Variants in HEPACAM2 observed in about 807,000 individuals in gnomAD.
The protein encoded by HEPACAM2 is HEPACAM family member 2.
HEPACAM2 carries 49 observed loss-of-function variants against 49.6 expected under a neutral mutation model. That is an observed-to-expected ratio of 0.99 (90% CI 0.78 to 1.25). HEPACAM2 has a LOEUF of 1.25. Among genes scored for constraint, HEPACAM2 ranks in the 50% most tolerant of loss-of-function variants. The probability of loss-of-function intolerance (pLI) is 0.00; values close to 1 mark genes in which losing one functional copy is unlikely to be tolerated. For synonymous variants in HEPACAM2, 197 were observed against 202.9 expected (o/e 0.97, Z 0.25); for missense variants, 525 against 557.2 (o/e 0.94, Z 0.58).
chr7:93,210,345 A>G (rs1794147707), intron 3 of HEPACAM2, among the ~76,000 whole-genome samples: 1 of 151,976 alleles, frequency 6.6e-6, no homozygotes, highest in African/African-American at 2.4e-5. Context: ...GGAAAGAGAT[A>G]TTTAAACAAT....
intron 9 of HEPACAM2, among the ~76,000 whole-genome samples, chr7:93,191,435 ATGAATTACTTTGC>A: frequency 6.6e-6 from 1 of 152,134 alleles, no homozygotes; most frequent in East Asian, 1.9e-4. Context: ...AGAAGTGTGC[ATGAATTACTTTGC>A]TGAAACTGTT....
intron 1 of HEPACAM2, chr7:93,225,988 T>A (rs1218116312): frequency 3.9e-6 from 4 of 1,029,002 alleles, no homozygotes; most frequent in Middle Eastern, 2.5e-4. Context: ...GTAAATTATT[T>A]GTAGTTTCAC....
At chr7:93,210,033 C>T (rs910404100) in intron 3 of HEPACAM2, among the ~76,000 whole-genome samples, 3 of 151,794 alleles carry the variant, frequency 2.0e-5, no homozygotes, top group East Asian at 1.9e-4. Flanking sequence ...TAGCATTGTA[C>T]CATTTCTATG....
Position 93,192,279 on chromosome 7 carries a change from G to A in HEPACAM2, c.1360C>T (p.Pro454Ser). The A allele has an allele frequency of 1.2e-6, 2 of 1,612,510 alleles. No individual in the cohort carries two copies. The highest frequency in any genetic ancestry group is 1.1e-5 in the South Asian group (1 of 91,018). The change falls in exon 9 of 10, where the codon CCT becomes TCT. Residue 454 changes from proline to serine, a missense_variant. Transcript: ENST00000394468. ...TCTGGATGGTCTTGCTGCTGGGCAG[G>A]GATGTGCTGAATAACTTCATACACT... ...STVYEVIQHI[P>S]AQQQDHPE is the part of the protein sequence containing the mutation.
intron 1 of HEPACAM2, 36 bp from the exon 2 acceptor site, chr7:93,219,487 A>G: frequency 6.2e-7 from 1 of 1,612,104 alleles, no homozygotes; most frequent in Non-Finnish European, 8.5e-7. Flanking sequence ...GAAGACCTTG[A>G]GCCACATTTC....
Position 93,188,739 on chromosome 7 carries a change from G to T in HEPACAM2, c.*528C>A. 3.2e-6 allele frequency: 1 copy of T among 316,880 alleles called. No homozygotes were observed. The allele number at this position is 316,880 out of a possible 1,614,324, so 19.6% of individuals were successfully genotyped here. On this transcript the variant is annotated 3_prime_UTR_variant, in exon 10 of 10. Coordinates refer to ENST00000394468, the MANE Select transcript of HEPACAM2 (RefSeq NM_001039372.4). ...AGAGAAGGCATAGTTTTGTTTTTGT[G>T]ACAACCATCCTTATTACTTTGTTGT...
chr7:93,190,800 C>T (rs75069192), intron 9 of HEPACAM2, among the ~76,000 whole-genome samples: 7,179 of 151,108 alleles, frequency 0.048, 231 homozygotes, highest in East Asian at 0.16. Flanking sequence ...TTTTTTGACA[C>T]GCAAAACAAC....
chr7:93,229,413 T>C (rs1309578996), upstream of HEPACAM2, among the ~76,000 whole-genome samples: 1 of 152,226 alleles, frequency 6.6e-6, no homozygotes, highest in African/African-American at 2.4e-5. Flanking sequence ...GCTCAAGAAG[T>C]GTAGTCATAT....
At chr7:93,227,988 T>C (rs1584360966), upstream of HEPACAM2, among the ~76,000 whole-genome samples, 1 of 152,356 alleles carries the variant, frequency 6.6e-6, no homozygotes, top group East Asian at 1.9e-4. Flanking sequence ...TAAATTTTAA[T>C]ATTGGATTGC....
At chr7:93,205,212 G>A (rs545906754) in intron 4 of HEPACAM2, among the ~76,000 whole-genome samples, 1 of 152,174 alleles carries the variant, frequency 6.6e-6, no homozygotes, top group Admixed American at 6.5e-5. Context: ...ATACAAAAAG[G>A]TCAATTAATA....
chr7:93,219,547 T>G, intron 1 of HEPACAM2, 96 bp from the exon 2 acceptor site: 1 of 1,562,852 alleles, frequency 6.4e-7, no homozygotes, highest in South Asian at 1.2e-5. Flanking sequence ...TGATAATCCT[T>G]TTCAAAGAAG....
chr7:93,218,796 C>T lies in HEPACAM2; in HGVS notation c.430+305G>A, dbSNP rs549620002. ...TCTATTGTTGAGAAAATAAGATTTT[C>T]TCCATCTCATCAAATTAGCAACATT... is the stretch of plus-strand genomic sequence containing the variant. On this transcript the variant is annotated intron_variant, in intron 2 of 9. Transcript: ENST00000394468. 3.3e-5 allele frequency among the ~76,000 whole-genome samples: 5 copies of T among 152,218 alleles called. No homozygotes were observed. The South Asian group carries it at 1.0e-3, about 32-fold the overall frequency.
chr7:93,208,961 ACT>A (rs1794107162), intron 3 of HEPACAM2, 85 bp from the exon 4 acceptor site: 1 of 1,219,950 alleles, frequency 8.2e-7, no homozygotes, highest in East Asian at 2.5e-5. Flanking sequence ...GTAGCATTTT[ACT>A]GTTTTTGAAA....
At chr7:93,230,111 C>T (rs999863550), upstream of HEPACAM2, among the ~76,000 whole-genome samples, 9 of 151,982 alleles carry the variant, frequency 5.9e-5, no homozygotes, top group Admixed American at 5.2e-4. Context: ...TACTTTCTTG[C>T]GTTTTCAGTG....
chr7:93,210,301 T>A (rs1017862256), intron 3 of HEPACAM2, among the ~76,000 whole-genome samples: 1 of 151,948 alleles, frequency 6.6e-6, no homozygotes, highest in Admixed American at 6.6e-5. Flanking sequence ...GCAACCACCA[T>A]GAGGTAGATG....
intron 3 of HEPACAM2, 105 bp downstream of exon 3, chr7:93,215,296 A>G: frequency 9.2e-7 from 1 of 1,084,216 alleles, no homozygotes; most frequent in Non-Finnish European, 1.3e-6. Flanking sequence ...AATAATGGTA[A>G]AAAGCCAAAT....
intron 8 of HEPACAM2, among the ~76,000 whole-genome samples, chr7:93,194,585 C>A (rs935102957): frequency 1.3e-5 from 2 of 152,166 alleles, no homozygotes; most frequent in Middle Eastern, 6.8e-3. Context: ...AGGATGAAAT[C>A]CAATCAGTCC....
intron 3 of HEPACAM2, among the ~76,000 whole-genome samples, chr7:93,214,910 T>C (rs1163718577): frequency 6.6e-6 from 1 of 152,090 alleles, no homozygotes; most frequent in African/African-American, 2.4e-5. Flanking sequence ...ATGGCTAGAG[T>C]TTAAAGACAG....
rs920194745 is a variant in HEPACAM2 at position 93,192,246 on chromosome 7, G to A, written c.1385+8C>T. The A allele has an allele frequency of 1.1e-5, 17 of 1,596,726 alleles. No individual in the cohort carries two copies. The highest frequency in any genetic ancestry group is 2.7e-5 in the African/African-American group (2 of 74,524). Reference sequence around the variant, plus strand: ...CCATAGCACCATCAAATGCAGATTCGTACTTACTCTGGATGGTCTTGCTGC... The same window carrying A: ...CCATAGCACCATCAAATGCAGATTCATACTTACTCTGGATGGTCTTGCTGC... On this transcript the variant is annotated splice_region_variant and intron_variant, in intron 9 of 9. Coordinates refer to ENST00000394468, the MANE Select transcript of HEPACAM2 (RefSeq NM_001039372.4).
Sources: gnomAD v4.1 joint callset for allele counts (sites outside exome capture counted in the v4.1 genomes callset) on GRCh38, gnomAD v4.1.1 for gene constraint, MANE v1.5 for transcripts, NCBI Gene and HGNC (gene_info 2026-07-23, HGNC 2026-07-21) for gene names.